The following HOOK3 variants were observed in gnomAD, a reference collection of about 807,000 sequenced individuals.
HOOK3 encodes hook microtubule tethering protein 3.
A neutral mutation model predicts 116.3 loss-of-function variants in HOOK3; 24 were observed. The ratio of observed to expected loss-of-function variants is 0.21; its 90% CI spans 0.15 to 0.29. The LOEUF is 0.29. Ranked by LOEUF, HOOK3 falls within the 10% of genes least tolerant of loss-of-function variation. HOOK3 has a pLI of 1.00. For synonymous variants in HOOK3, 275 were observed against 283.0 expected (o/e 0.97, Z 0.28); for missense variants, 632 against 830.2 (o/e 0.76, Z 2.93).
chr8:42,905,330 G>GT (rs1209546269), intron 1 of HOOK3, among the ~76,000 whole-genome samples: 2 of 146,570 alleles, frequency 1.4e-5, no homozygotes, highest in Admixed American at 6.7e-5. Context: ...TTTTTTGGGG[G>GT]GGGGGGTGCC....
Position 43,028,594 on chromosome 8 carries a change from T to C in HOOK3, c.*10096T>C, listed in dbSNP as rs990473709. ...CAATTTTTTTATCTTCATAACTTCC[T>C]GCTCTTATTAACTTGTATTATGAAT... On this transcript the variant is annotated 3_prime_UTR_variant, in exon 22 of 22. Transcript: ENST00000307602. 2 of 189,400 alleles carry C rather than the reference T, an allele frequency of 1.1e-5. No homozygotes were observed. The highest frequency in any genetic ancestry group is 1.2e-4 in the Admixed American group (2 of 16,196). 11.7% of individuals were successfully genotyped at this position (189,400 alleles called of 1,614,324 possible). A position where few individuals can be genotyped will look rare whatever the true frequency, so the allele number is the denominator to read the frequency against.
At chr8:42,981,290 C>A (rs141673431) in intron 13 of HOOK3, among the ~76,000 whole-genome samples, 1 of 151,732 alleles carries the variant, frequency 6.6e-6, no homozygotes, top group Non-Finnish European at 1.5e-5. Context: ...TGAGCTCAAT[C>A]GATCCGCCCA....
At chr8:42,917,147 A>G (rs915245823) in intron 2 of HOOK3, among the ~76,000 whole-genome samples, 1 of 152,240 alleles carries the variant, frequency 6.6e-6, no homozygotes, top group African/African-American at 2.4e-5. Flanking sequence ...CAGTTTTATT[A>G]TAAATGATAC....
chr8:42,973,535 A>G, intron 12 of HOOK3, 136 bp downstream of exon 12: 1 of 592,054 alleles, frequency 1.7e-6, no homozygotes, highest in Non-Finnish European at 2.8e-6. Context: ...AAGCTGTAGG[A>G]GAATTCCATT....
At position 42,968,657 on chromosome 8, in the gene HOOK3, T is replaced by C. The variant is rs571271348; in HGVS notation, c.1122+443T>C. 1.7e-4 allele frequency among the ~76,000 whole-genome samples: 26 copies of C among 152,292 alleles called. 1 individual carries two copies. Among genetic ancestry groups the C allele is most frequent in the African/African-American group, 6.3e-4 (26 of 41,566 alleles). ...GCCTGGCCTATTGTATTTATTTATA[T>C]TTATCTAATATTTAAAGAGCTTTAA... On this transcript the variant is annotated intron_variant, in intron 11 of 21. Transcript: ENST00000307602.
At chr8:42,967,869 G>T (rs1478744291) in intron 10 of HOOK3, 144 bp from the exon 11 acceptor site, 1 of 586,814 alleles carries the variant, frequency 1.7e-6, no homozygotes, top group East Asian at 2.9e-5. Context: ...GGTCATATTT[G>T]TTAACCTGTG....
At position 43,021,696 on chromosome 8, in the gene HOOK3, T is replaced by C. The variant is rs1337945288; in HGVS notation, c.*3198T>C. 6.4e-5 allele frequency: 10 copies of C among 157,456 alleles called. No homozygotes were observed. Among genetic ancestry groups the C allele is most frequent in the Non-Finnish European group, 1.2e-4 (9 of 72,760 alleles). The allele number at this position is 157,456 out of a possible 1,614,324, so 9.8% of individuals were successfully genotyped here. A position where few individuals can be genotyped will look rare whatever the true frequency, so the allele number is the denominator to read the frequency against. ...TTTTTTTTTTTTTTGTGAGATGATGTCTCGCTCTGTCACCCAGGCTGGAGT... is the reference window on the plus strand; with the variant it reads ...TTTTTTTTTTTTTTGTGAGATGATGCCTCGCTCTGTCACCCAGGCTGGAGT... On this transcript the variant is annotated 3_prime_UTR_variant, in exon 22 of 22. Transcript: ENST00000307602.
chr8:42,951,504 T>TGTAAAA (rs539589873), intron 6 of HOOK3, among the ~76,000 whole-genome samples: 1 of 152,176 alleles, frequency 6.6e-6, no homozygotes, highest in Admixed American at 6.5e-5. Context: ...AACATAAAAC[T>TGTAAAA]GTAAAAGTAA....
chr8:42,919,375 A>G (rs1454951713), intron 2 of HOOK3, among the ~76,000 whole-genome samples: 2 of 136,710 alleles, frequency 1.5e-5, no homozygotes, highest in Non-Finnish European at 3.1e-5. Context: ...CGCTCTTCAC[A>G]TCTCAGACGG....
intron 18 of HOOK3, among the ~76,000 whole-genome samples, chr8:43,009,557 C>T (rs1245401957): frequency 1.3e-5 from 2 of 152,048 alleles, no homozygotes; most frequent in Non-Finnish European, 2.9e-5. Flanking sequence ...TGTAAGTCAT[C>T]CAGACCTGTG....
intron 1 of HOOK3, among the ~76,000 whole-genome samples, chr8:42,905,574 G>A (rs907087893): frequency 3.9e-5 from 6 of 152,050 alleles, no homozygotes; most frequent in Non-Finnish European, 7.4e-5. Context: ...TAGAGGGGAT[G>A]AACGTGCCGT....
At chr8:42,993,168 T>A (rs1008189893) in intron 15 of HOOK3, among the ~76,000 whole-genome samples, 1 of 152,228 alleles carries the variant, frequency 6.6e-6, no homozygotes, top group Non-Finnish European at 1.5e-5. Flanking sequence ...TCCCATTTGG[T>A]CATAATAAAT....
intron 13 of HOOK3, among the ~76,000 whole-genome samples, chr8:42,975,022 C>T (rs1315312632): frequency 1.3e-5 from 2 of 152,162 alleles, no homozygotes; most frequent in Non-Finnish European, 2.9e-5. Flanking sequence ...GAACTCCCCT[C>T]CTTGGCGTAG....
intron 5 of HOOK3, among the ~76,000 whole-genome samples, chr8:42,948,273 G>C (rs1808272383): frequency 6.6e-6 from 1 of 152,092 alleles, no homozygotes; most frequent in African/African-American, 2.4e-5. Flanking sequence ...AAACAGTGAA[G>C]GCTTCAGGAT....
At position 42,980,442 on chromosome 8, in the gene HOOK3, A is replaced by G. The variant is rs1808917140; in HGVS notation, c.1322-2185A>G. Among the ~76,000 whole-genome samples the G allele has an allele frequency of 2.0e-5, 3 of 152,244 alleles. No individual in the cohort carries two copies. The South Asian group carries it at 6.2e-4, about 32-fold the overall frequency. On this transcript the variant is annotated intron_variant, in intron 13 of 21. Coordinates refer to ENST00000307602, the MANE Select transcript of HOOK3 (RefSeq NM_032410.4). ...AATGTCCCCTCTGAAACTCATGTTG[A>G]AAGTTAATACCCAATGTGGTAGTTT...
At chr8:42,923,269 C>A (rs1807696089) in intron 2 of HOOK3, among the ~76,000 whole-genome samples, 1 of 152,152 alleles carries the variant, frequency 6.6e-6, no homozygotes, top group African/African-American at 2.4e-5. Context: ...AATATAGCTG[C>A]TTTGGAAGAG....
At chr8:42,971,050 G>A (rs578072545) in intron 11 of HOOK3, among the ~76,000 whole-genome samples, 78 of 152,010 alleles carry the variant, frequency 5.1e-4, no homozygotes, top group African/African-American at 1.8e-3. Flanking sequence ...GCCTCCCAAA[G>A]TGCTGGGATT....
intron 2 of HOOK3, among the ~76,000 whole-genome samples, chr8:42,915,001 A>T (rs962220283): frequency 2.0e-5 from 3 of 152,128 alleles, no homozygotes; most frequent in Non-Finnish European, 2.9e-5. Flanking sequence ...AATTACTCAT[A>T]AAAGTTGAAA....
chr8:43,006,852 C>T (rs1266556271), intron 17 of HOOK3, among the ~76,000 whole-genome samples: 1 of 151,754 alleles, frequency 6.6e-6, no homozygotes, highest in East Asian at 1.9e-4. Flanking sequence ...CCCATTTTTG[C>T]AGCCTTTTTT....
Sources: gnomAD v4.1 joint callset for allele counts (sites outside exome capture counted in the v4.1 genomes callset) on GRCh38, gnomAD v4.1.1 for gene constraint, MANE v1.5 for transcripts, NCBI Gene and HGNC (gene_info 2026-07-23, HGNC 2026-07-21) for gene names.